The following SMARCA2 variants were observed in gnomAD, a reference collection of about 807,000 sequenced individuals.
The protein encoded by SMARCA2 is SWI/SNF-related matrix-associated actin-dependent regulator of chromatin subfamily A member 2.
Under a neutral mutation model 199.8 loss-of-function variants are expected in SMARCA2, and 61 were observed. That is an observed-to-expected ratio of 0.31 (90% CI 0.25 to 0.38). The LOEUF is 0.38. Ranked by LOEUF, SMARCA2 falls within the 10% of genes least tolerant of loss-of-function variation. The pLI is 1.00. For missense variants in SMARCA2, 1,344 were observed against 2,012.2 expected (o/e 0.67, Z 6.35); for synonymous variants, 935 against 732.0 (o/e 1.28, Z -4.48).
Position 2,039,561 on chromosome 9 carries a change from A to C in SMARCA2, c.451A>C (p.Ser151Arg), listed in dbSNP as rs1458030160. ...CCCAACTCCACCTCAGATGCCACCA[A>C]GCCAGCCGGGGGCCCTCATCCCAGG... is the stretch of plus-strand genomic sequence containing the variant. ...GGPTPPQMPP[S>R]QPGALIPGDP... The change falls in exon 4 of 34, where the codon AGC (serine) becomes CGC (arginine). Residue 151 changes from serine (S) to arginine (R), a missense_variant. Transcript: ENST00000349721. The surrounding 1 kb of genome is among the most constrained non-coding windows in gnomAD (Gnocchi z 4.8). 6.2e-7 allele frequency: 1 copy of C among 1,614,136 alleles called. No homozygotes were observed. The highest frequency in any genetic ancestry group is 2.2e-5 in the East Asian group (1 of 44,892).
rs553830271 is a variant in SMARCA2 at position 2,175,904 on chromosome 9, A to T, written c.4253+5432A>T. Among the ~76,000 whole-genome samples the T allele has an allele frequency of 2.0e-5, 3 of 151,714 alleles. No homozygotes were observed. The South Asian group carries it at 6.3e-4, about 32-fold the overall frequency. Reference sequence around the variant, plus strand: ...TTTGTTTGTTTGTTTTTTGAGATGAAGTTTCGCTCTTGTTGCCCAAGCTGG... The same window carrying T: ...TTTGTTTGTTTGTTTTTTGAGATGATGTTTCGCTCTTGTTGCCCAAGCTGG... On this transcript the variant is annotated intron_variant, in intron 29 of 33. Coordinates refer to ENST00000349721, the MANE Select transcript of SMARCA2 (RefSeq NM_003070.5).
intron 29 of SMARCA2, among the ~76,000 whole-genome samples, chr9:2,178,468 A>G (rs917805027): frequency 4.6e-5 from 7 of 152,182 alleles, no homozygotes; most frequent in Non-Finnish European, 8.8e-5. Context: ...CATAATGGAA[A>G]ACACCTTGGG....
rs867007703 is a variant in SMARCA2 at position 2,029,194 on chromosome 9, C to T, written c.172C>T (p.Pro58Ser). 6.2e-7 allele frequency: 1 copy of T among 1,613,362 alleles called. No homozygotes were observed. The highest frequency in any genetic ancestry group is 8.5e-7 in the Non-Finnish European group (1 of 1,179,648). Residue 58 changes from proline to serine, a missense_variant, in exon 2 of 34, where the codon CCG becomes TCG. By Grantham distance (74) the Pro-to-Ser change is moderately conservative. This residue lies in a region of SMARCA2 where 275 missense variants were observed against 247.5 expected (regional missense o/e 1.11). Transcript: ENST00000349721. ...PGPPSVSHPM[P>S]TMGSTDFPQE... ...ACCTCCAAGTGTCTCCCATCCTATG[C>T]CGACGATGGGGTCCACAGACTTCCC...
At position 2,169,803 on chromosome 9, in the gene SMARCA2, G is replaced by A. The variant is rs926540652; in HGVS notation, c.4200-616G>A. 1.8e-4 allele frequency among the ~76,000 whole-genome samples: 27 copies of A among 152,170 alleles called. No homozygotes were observed. Among genetic ancestry groups the A allele is most frequent in the Non-Finnish European group, 3.7e-4 (25 of 68,022 alleles). On this transcript the variant is annotated intron_variant, in intron 28 of 33. Transcript: ENST00000349721. The surrounding 1 kb of genome is among the most constrained non-coding windows in gnomAD (Gnocchi z 6.5). ...ACTGAAGAGGCTTTTCTAGAGGCTT[G>A]TAGAAGTGCCCAAGACGCCAGGTGG...
intron 1 of SMARCA2, among the ~76,000 whole-genome samples, chr9:2,021,042 C>T (rs922926658): frequency 1.2e-4 from 18 of 152,108 alleles, no homozygotes; most frequent in African/African-American, 4.3e-4. Context: ...TGGCCGTATA[C>T]CTGTAAGATT....
intron 31 of SMARCA2, among the ~76,000 whole-genome samples, chr9:2,185,798 T>C (rs1442959529): frequency 2.0e-5 from 3 of 152,230 alleles, no homozygotes; most frequent in Non-Finnish European, 4.4e-5. Context: ...AAATAAGAAA[T>C]GTAGTTTTAA....
At chr9:2,029,963 G>C (rs1331689061) in intron 2 of SMARCA2, among the ~76,000 whole-genome samples, 1 of 152,210 alleles carries the variant, frequency 6.6e-6, no homozygotes, top group Non-Finnish European at 1.5e-5. Flanking sequence ...ACAGCCTTTT[G>C]AGAAAGTAAA....
chr9:2,138,031 A>G (rs1824285203), intron 27 of SMARCA2, among the ~76,000 whole-genome samples: 1 of 152,192 alleles, frequency 6.6e-6, no homozygotes, highest in Non-Finnish European at 1.5e-5. Flanking sequence ...CTCCATTCTA[A>G]TTTCAGAACA....
intron 27 of SMARCA2, chr9:2,159,995 G>T: frequency 6.5e-7 from 1 of 1,531,004 alleles, no homozygotes; most frequent in East Asian, 2.4e-5. Context: ...TCAAAAGCCG[G>T]TGTTCTCCGT....
rs56186732 is a variant in SMARCA2, at chr9:2,176,182, G to GTTTTTTTTTTTTTTTT, written c.4254-5383_4254-5368dup. Among the ~76,000 whole-genome samples, 55 of 104,136 alleles carry GTTTTTTTTTTTTTTTT rather than the reference G, an allele frequency of 5.3e-4. 3 individuals carry two copies. Among genetic ancestry groups the GTTTTTTTTTTTTTTTT allele is most frequent in the African/African-American group, 1.8e-3 (49 of 26,860 alleles). The allele number at this position is 104,136 out of a possible 152,430, so 68.3% of individuals were successfully genotyped here. A position where few individuals can be genotyped will look rare whatever the true frequency, so the allele number is the denominator to read the frequency against. On this transcript the variant is annotated intron_variant, in intron 29 of 33. Transcript: ENST00000349721. ...AGGCATGAGCCACCGCGCCCGGCCT[G>GTTTTTTTTTTTTTTTT]TTTTTTTTTTTTTTTTTTTTTATAA... is the stretch of plus-strand genomic sequence containing the variant.
chr9:2,161,847 C>CA lies in SMARCA2; in HGVS notation c.4146dup (p.Leu1383ThrfsTer18). On this transcript the variant is annotated frameshift_variant, in exon 28 of 34. Transcript: ENST00000349721. LOFTEE classifies it high-confidence loss of function. The surrounding 1 kb of genome is among the most constrained non-coding windows in gnomAD (Gnocchi z 4.7). ...CTGAGAAACTGTCACCAAATCCCCC[C>CA]AAACTGACAAAGCAGATGAACGCTA... 6.2e-7 allele frequency: 1 copy of CA among 1,614,100 alleles called. No homozygotes were observed. The highest frequency in any genetic ancestry group is 8.5e-7 in the Non-Finnish European group (1 of 1,179,972).
At chr9:2,102,602 GA>G in intron 22 of SMARCA2, among the ~76,000 whole-genome samples, 1 of 152,046 alleles carries the variant, frequency 6.6e-6, no homozygotes, top group East Asian at 1.9e-4. Context: ...GTTGATAAAA[GA>G]AAAAAATGGG....
At chr9:2,128,694 C>G (rs1174984848) in intron 27 of SMARCA2, among the ~76,000 whole-genome samples, 1 of 152,252 alleles carries the variant, frequency 6.6e-6, no homozygotes, top group Non-Finnish European at 1.5e-5. Flanking sequence ...GAGGGATCCT[C>G]CCAGAGCTTT....
chr9:2,022,352 A>T (rs1480337098), intron 1 of SMARCA2, among the ~76,000 whole-genome samples: 2 of 152,226 alleles, frequency 1.3e-5, no homozygotes, highest in African/African-American at 4.8e-5. Flanking sequence ...TTGAAGTTGT[A>T]GTCAGCTACT....
At chr9:2,145,186 T>G (rs892966966) in intron 27 of SMARCA2, among the ~76,000 whole-genome samples, 5 of 151,728 alleles carry the variant, frequency 3.3e-5, no homozygotes, top group African/African-American at 1.2e-4. Flanking sequence ...GTAGTCTCTC[T>G]GAGCTACTTG....
chr9:2,186,336 G>T, intron 32 of SMARCA2, 108 bp downstream of exon 32: 3 of 1,199,168 alleles, frequency 2.5e-6, no homozygotes, highest in Non-Finnish European at 3.5e-6. Context: ...ATCTGGATTG[G>T]AGCCCTTATT....
chr9:2,083,946 G>A, intron 16 of SMARCA2, 140 bp from the exon 17 acceptor site: 1 of 564,508 alleles, frequency 1.8e-6, no homozygotes, highest in Non-Finnish European at 3.2e-6. Flanking sequence ...ACTTCCTCGT[G>A]TATAATAGAT....
At chr9:2,034,652 CGAG>C (rs1262837188) in intron 3 of SMARCA2, among the ~76,000 whole-genome samples, 6 of 152,176 alleles carry the variant, frequency 3.9e-5, no homozygotes, top group Non-Finnish European at 5.9e-5. Context: ...TCCATCCACT[CGAG>C]GGAAGACTTT....
chr9:2,058,017 T>A (rs942009842), intron 7 of SMARCA2: 4 of 262,488 alleles, frequency 1.5e-5, no homozygotes, highest in Non-Finnish European at 2.9e-5. Context: ...CAGTCTTCGA[T>A]CTTTCCATTC....
Sources: gnomAD v4.1 joint callset for allele counts (sites outside exome capture counted in the v4.1 genomes callset) on GRCh38, gnomAD v4.1.1 for gene constraint, gnomAD v4.1.1 regional missense constraint, Gnocchi (gnomAD v3.1) non-coding constraint, MANE v1.5 for transcripts, NCBI Gene and HGNC (gene_info 2026-07-23, HGNC 2026-07-21) for gene names.